Variants in LRRC40 observed in about 807,000 individuals in gnomAD.
LRRC40 encodes leucine-rich repeat-containing protein 40.
A neutral mutation model predicts 72.8 loss-of-function variants in LRRC40; 76 were observed. The ratio of observed to expected loss-of-function variants is 1.04; its 90% CI spans 0.87 to 1.26. The LOEUF is 1.26. LRRC40 is among the 50% of genes most tolerant of loss of function. LRRC40 has a pLI of 0.00. For missense variants in LRRC40, 684 were observed against 698.9 expected (o/e 0.98, Z 0.24); for synonymous variants, 243 against 254.2 (o/e 0.96, Z 0.42).
intron 9 of LRRC40, among the ~76,000 whole-genome samples, chr1:70,170,945 G>C (rs1412960299): frequency 1.3e-5 from 2 of 152,098 alleles, no homozygotes; most frequent in African/African-American, 4.8e-5. Context: ...TTCCTGATTT[G>C]ATTTCAAAAC....
At chr1:70,148,792 T>C (rs755255303) in intron 13 of LRRC40, 120 bp from the exon 14 acceptor site, 44 of 530,328 alleles carry the variant, frequency 8.3e-5, no homozygotes, top group Non-Finnish European at 1.3e-4. Flanking sequence ...ATTCTGTAAT[T>C]GGCATTAAGT....
intron 11 of LRRC40, 121 bp from the exon 12 acceptor site, chr1:70,152,664 C>T (rs1384234944): frequency 1.5e-6 from 1 of 645,258 alleles, no homozygotes; most frequent in South Asian, 1.9e-5. Context: ...ACTTTTTGTA[C>T]CTTTTACTTT....
In LRRC40 at chr1:70,180,901, G is replaced by T. The variant is rs1302999955; in HGVS notation, c.661+185C>A. Among the ~76,000 whole-genome samples the T allele has an allele frequency of 4.6e-5, 7 of 152,172 alleles. No individual in the cohort carries two copies. The East Asian group carries it at 1.3e-3, about 29-fold the overall frequency. Reference sequence around the variant, plus strand: ...CATATGCCTAAGTATCTTTATGATGGTATTTCTTTAGACAGTTGATACATA... The same window carrying T: ...CATATGCCTAAGTATCTTTATGATGTTATTTCTTTAGACAGTTGATACATA... On this transcript the variant is annotated intron_variant, in intron 5 of 14. Transcript: ENST00000370952.
chr1:70,185,571 T>C (rs1479885207), intron 3 of LRRC40, among the ~76,000 whole-genome samples: 2 of 152,220 alleles, frequency 1.3e-5, no homozygotes, highest in East Asian at 1.9e-4. Flanking sequence ...GTCTCGGGTA[T>C]GTCTTTATCA....
chr1:70,201,025 G>T (rs748734069), intron 1 of LRRC40, among the ~76,000 whole-genome samples: 1 of 152,030 alleles, frequency 6.6e-6, no homozygotes, highest in Non-Finnish European at 1.5e-5. Context: ...TAAAATAGCT[G>T]GGTTTGGTGG....
intron 9 of LRRC40, among the ~76,000 whole-genome samples, chr1:70,160,798 T>G (rs1667740566): frequency 6.6e-6 from 1 of 152,066 alleles, no homozygotes. Flanking sequence ...CTTTGCGTAT[T>G]GTTGTTTTTT....
chr1:70,147,673 G>C (rs186086517), intron 14 of LRRC40, among the ~76,000 whole-genome samples: 1 of 152,146 alleles, frequency 6.6e-6, no homozygotes, highest in African/African-American at 2.4e-5. Flanking sequence ...AGAATCAACT[G>C]TATTTATAGT....
chr1:70,178,880 G>T lies in LRRC40; in HGVS notation c.775C>A (p.Pro259Thr), dbSNP rs1220988864. The T allele has an allele frequency of 6.3e-7, 1 of 1,595,284 alleles. No individual in the cohort carries two copies. The stretch of plus-strand genomic sequence containing the variant: ...AATAGACTACAAGAAGGAAATTCTG[G>T]TAGAAAACGTAATTTATTCCTCCGC... ...YLRRNKLRFL[P>T]EFPSCSLLKE... Residue 259 changes from proline to threonine, a missense_variant, in exon 6 of 15, where the codon CCA (proline) becomes ACA (threonine). Coordinates refer to ENST00000370952, the MANE Select transcript of LRRC40 (RefSeq NM_017768.5).
At chr1:70,180,991 A>T in intron 5 of LRRC40, 95 bp downstream of exon 5, 1 of 890,838 alleles carries the variant, frequency 1.1e-6, no homozygotes, top group Non-Finnish European at 1.6e-6. Flanking sequence ...AAAATCTACT[A>T]CTTTAGTTCT....
chr1:70,172,437 C>G (rs2100284715), intron 9 of LRRC40, among the ~76,000 whole-genome samples: 1 of 152,108 alleles, frequency 6.6e-6, no homozygotes, highest in Non-Finnish European at 1.5e-5. Context: ...TGTGGGGTTT[C>G]TGGAAAGAAT....
At chr1:70,166,891 C>G (rs563520996) in intron 9 of LRRC40, among the ~76,000 whole-genome samples, 18 of 150,456 alleles carry the variant, frequency 1.2e-4, no homozygotes, top group African/African-American at 4.4e-4. Context: ...TTTTCCCCAT[C>G]CCCAAAAGAA....
intron 9 of LRRC40, among the ~76,000 whole-genome samples, chr1:70,165,593 G>A (rs1667863940): frequency 6.6e-6 from 1 of 151,906 alleles, no homozygotes; most frequent in African/African-American, 2.4e-5. Flanking sequence ...GATCGGCACT[G>A]TTTTCAATTT....
At chr1:70,156,366 T>C (rs1470984161) in intron 10 of LRRC40, among the ~76,000 whole-genome samples, 1 of 152,116 alleles carries the variant, frequency 6.6e-6, no homozygotes, top group Non-Finnish European at 1.5e-5. Context: ...GACAGAGCAG[T>C]GGACTGAGAT....
chr1:70,184,616 T>C (rs1401996437), intron 4 of LRRC40, among the ~76,000 whole-genome samples, 169 bp downstream of exon 4: 1 of 152,196 alleles, frequency 6.6e-6, no homozygotes, highest in Non-Finnish European at 1.5e-5. Context: ...GAAAACCAAA[T>C]TTACAGTGAC....
At chr1:70,196,699 C>G (rs1051635000) in intron 1 of LRRC40, among the ~76,000 whole-genome samples, 1 of 151,976 alleles carries the variant, frequency 6.6e-6, no homozygotes, top group African/African-American at 2.4e-5. Context: ...AATTAATCTA[C>G]ATTGACAAAA....
intron 4 of LRRC40, among the ~76,000 whole-genome samples, chr1:70,183,337 A>T (rs1466794301): frequency 2.0e-5 from 3 of 151,898 alleles, no homozygotes; most frequent in Non-Finnish European, 2.9e-5. Flanking sequence ...AGTACCTTCG[A>T]TTTAATACAG....
chr1:70,178,980 C>A lies in LRRC40; in HGVS notation c.675G>T (p.Leu225Phe). Residue 225 changes from leucine to phenylalanine, a missense_variant, in exon 6 of 15, where the codon TTG becomes TTT. Physicochemically the swap from Leu to Phe is conservative, Grantham distance 22. Transcript: ENST00000370952. ...EINRMKRLKH[L>F]DCNSNLLETI... is the part of the protein sequence containing the mutation. ...TTTCCAAGAGATTTGAATTACAATCCAAATGCTTCAACCCTGTAATATATA... is the reference window on the plus strand; with the variant it reads ...TTTCCAAGAGATTTGAATTACAATCAAAATGCTTCAACCCTGTAATATATA... 2 of 1,593,182 alleles carry A rather than the reference C, an allele frequency of 1.3e-6. No individual in the cohort carries two copies. Among genetic ancestry groups the A allele is most frequent in the South Asian group, 1.1e-5 (1 of 87,454 alleles).
chr1:70,156,483 C>T (rs1318479942), intron 10 of LRRC40, among the ~76,000 whole-genome samples: 2 of 152,040 alleles, frequency 1.3e-5, no homozygotes, highest in African/African-American at 4.8e-5. Flanking sequence ...ATTTATGCCA[C>T]ATGTTTTCAA....
At chr1:70,181,804 G>A (rs1157140399) in intron 4 of LRRC40, among the ~76,000 whole-genome samples, 2 of 151,900 alleles carry the variant, frequency 1.3e-5, no homozygotes, top group African/African-American at 2.4e-5. Context: ...TTAATTAATC[G>A]CTATACCTCC....
Sources: gnomAD v4.1 joint callset for allele counts (sites outside exome capture counted in the v4.1 genomes callset) on GRCh38, gnomAD v4.1.1 for gene constraint, MANE v1.5 for transcripts, NCBI Gene and HGNC (gene_info 2026-07-23, HGNC 2026-07-21) for gene names.